Variants in MED1 observed in about 807,000 individuals in gnomAD.
The protein encoded by MED1 is mediator of RNA polymerase II transcription subunit 1.
A neutral mutation model predicts 121.3 loss-of-function variants in MED1; 17 were observed. That is an observed-to-expected ratio of 0.14 (90% CI 0.10 to 0.21). The LOEUF (loss-of-function observed/expected upper bound fraction) is 0.21. MED1 is among the 10% of genes least tolerant of loss of function. MED1 has a pLI of 1.00. For missense variants in MED1, 1,558 were observed against 1,919.4 expected, an observed-to-expected ratio of 0.81 and a Z score of 3.52; for synonymous variants, 661 against 694.4, an observed-to-expected ratio of 0.95 and a Z score of 0.76.
chr17:39,419,474 C>G (rs1190325489), intron 14 of MED1, among the ~76,000 whole-genome samples: 1 of 150,828 alleles, frequency 6.6e-6, no homozygotes, highest in African/African-American at 2.4e-5. Context: ...ATGGCATGAT[C>G]TAAGCTCACT....
At chr17:39,422,340 T>C (rs1450189802) in intron 13 of MED1, among the ~76,000 whole-genome samples, 1 of 149,186 alleles carries the variant, frequency 6.7e-6, no homozygotes, top group East Asian at 2.0e-4. Context: ...ATTTTTGTAT[T>C]TTTTTAGTAG....
rs2048569385 is a variant in MED1 at position 39,432,027 on chromosome 17, G to C, written c.501-11C>G. The C allele has an allele frequency of 3.2e-6, 5 of 1,583,438 alleles. No individual in the cohort carries two copies. Among genetic ancestry groups the C allele is most frequent in the Admixed American group, 3.3e-5 (2 of 59,852 alleles). On this transcript the variant is annotated splice_polypyrimidine_tract_variant and intron_variant, in intron 7 of 16. Transcript: ENST00000300651. ...TTAGTCTTCAGTTTGCTGGAGAGTA[G>C]ATGAGAAGAACATGAGTTAATAGTT... is the stretch of plus-strand genomic sequence containing the variant.
Position 39,409,895 on chromosome 17 carries a change from C to G in MED1, c.2326G>C (p.Gly776Arg), listed in dbSNP as rs2048339958. Residue 776 changes from glycine (G) to arginine (R), a missense_variant, in exon 17 of 17, where the codon GGC becomes CGC. Gly to Arg is a moderately radical substitution (Grantham distance 125). Around this residue, in one of 5 missense-constraint regions of MED1, gnomAD observed 793 missense variants for 898.2 expected, o/e 0.88. Coordinates refer to ENST00000300651, the MANE Select transcript of MED1 (RefSeq NM_004774.4). ...MVRLSSSDSI[G>R]PDVTDILSDI... Reference sequence around the variant, plus strand: ...GAAAGGATGTCAGTTACATCTGGGCCAATGCTGTCTGAACTGGATAGTCGG... The same window carrying G: ...GAAAGGATGTCAGTTACATCTGGGCGAATGCTGTCTGAACTGGATAGTCGG... The G allele has an allele frequency of 1.2e-6, 2 of 1,613,950 alleles. No individual in the cohort carries two copies. Among genetic ancestry groups the G allele is most frequent in the Non-Finnish European group, 1.7e-6 (2 of 1,180,026 alleles).
intron 2 of MED1, among the ~76,000 whole-genome samples, chr17:39,445,216 TC>T (rs1224209090): frequency 2.0e-4 from 30 of 150,896 alleles, no homozygotes; most frequent in Non-Finnish European, 4.3e-4. Context: ...TGTTGAAAAC[TC>T]TTTTTTTTTT....
At chr17:39,435,123 G>A (rs933550844) in intron 6 of MED1, among the ~76,000 whole-genome samples, 5 of 152,168 alleles carry the variant, frequency 3.3e-5, no homozygotes, top group Admixed American at 2.0e-4. Flanking sequence ...AGCCGAGATC[G>A]CGCCACTGCA....
At chr17:39,413,659 C>T (rs2048376638) in intron 16 of MED1, among the ~76,000 whole-genome samples, 2 of 151,970 alleles carry the variant, frequency 1.3e-5, no homozygotes, top group South Asian at 2.1e-4. Flanking sequence ...ACCTGAACCT[C>T]GGAGGTCAAC....
intron 13 of MED1, among the ~76,000 whole-genome samples, chr17:39,422,480 T>G (rs938266876): frequency 6.9e-6 from 1 of 144,488 alleles, no homozygotes; most frequent in Non-Finnish European, 1.5e-5. Context: ...TTTTTTTTTT[T>G]TTTTTTTTTT....
Position 39,410,526 on chromosome 17 carries a change from G to C in MED1, c.1695C>G (p.Asn565Lys). 6.2e-7 allele frequency: 1 copy of C among 1,614,136 alleles called. No individual in the cohort carries two copies. Among genetic ancestry groups the C allele is most frequent in the Non-Finnish European group, 8.5e-7 (1 of 1,180,026 alleles). The change falls in exon 17 of 17, where the codon AAC (asparagine) becomes AAG (lysine). Residue 565 changes from asparagine to lysine, a missense_variant. Physicochemically the swap from Asn to Lys is moderately conservative, Grantham distance 94. Coordinates refer to ENST00000300651, the MANE Select transcript of MED1 (RefSeq NM_004774.4). ...TGGTAATGGGACCCCCCGGAAAGGT[G>C]TTGGTTGGTGTAGTGGTACCACTCA... is the stretch of plus-strand genomic sequence containing the variant. ...NPMSGTTTPT[N>K]TFPGGPITTL...
chr17:39,417,489 C>T (rs1483836476), intron 14 of MED1, among the ~76,000 whole-genome samples: 2 of 151,548 alleles, frequency 1.3e-5, no homozygotes, highest in African/African-American at 4.9e-5. Context: ...ATTAGCCGGG[C>T]GTGATGGCGG....
At chr17:39,411,312 C>T (rs1392453587) in intron 16 of MED1, among the ~76,000 whole-genome samples, 4 of 149,448 alleles carry the variant, frequency 2.7e-5, no homozygotes, top group African/African-American at 7.4e-5. Flanking sequence ...AGTGAGACTC[C>T]GTCTCAAAAA....
intron 13 of MED1, 74 bp from the exon 14 acceptor site, chr17:39,419,992 A>C: frequency 1.5e-6 from 2 of 1,354,148 alleles, no homozygotes; most frequent in Non-Finnish European, 2.1e-6. Flanking sequence ...TCCTGAAAAA[A>C]CCTACTACTC....
At chr17:39,421,158 G>A (rs1476482575) in intron 13 of MED1, among the ~76,000 whole-genome samples, 1 of 149,642 alleles carries the variant, frequency 6.7e-6, no homozygotes, top group East Asian at 2.0e-4. Context: ...GGATGAGGCA[G>A]AAGAATCGCT....
chr17:39,433,962 T>C (rs769744177), intron 7 of MED1, among the ~76,000 whole-genome samples: 3 of 152,190 alleles, frequency 2.0e-5, no homozygotes, highest in Non-Finnish European at 2.9e-5. Context: ...AAAAATAGAA[T>C]TAAAGCCAGT....
At chr17:39,444,393 G>A (rs1276454591) in intron 2 of MED1, among the ~76,000 whole-genome samples, 1 of 151,882 alleles carries the variant, frequency 6.6e-6, no homozygotes, top group Non-Finnish European at 1.5e-5. Context: ...TATAGTCCCA[G>A]CTACTCAGCA....
intron 8 of MED1, among the ~76,000 whole-genome samples, 173 bp downstream of exon 8, chr17:39,431,769 G>C (rs534264384): frequency 6.6e-6 from 1 of 152,112 alleles, no homozygotes; most frequent in South Asian, 2.1e-4. Flanking sequence ...TAAAACCTAT[G>C]GTAACCAACA....
At position 39,407,022 on chromosome 17, in the gene MED1, G is replaced by A; in HGVS notation, c.*453C>T. The A allele has an allele frequency of 1.0e-6, 1 of 987,144 alleles. No individual in the cohort carries two copies. Among genetic ancestry groups the A allele is most frequent in the Non-Finnish European group, 1.2e-6 (1 of 830,850 alleles). 61.1% of individuals were successfully genotyped at this position (987,144 alleles called of 1,614,324 possible). On this transcript the variant is annotated 3_prime_UTR_variant, in exon 17 of 17. Coordinates refer to ENST00000300651, the MANE Select transcript of MED1 (RefSeq NM_004774.4). The stretch of plus-strand genomic sequence containing the variant: ...ACGGACAACTACCTCAAACAAAGTT[G>A]AACAACCTTCATGCAAATGCATCAA...
intron 13 of MED1, among the ~76,000 whole-genome samples, chr17:39,421,765 T>A (rs1394245048): frequency 2.0e-5 from 3 of 151,992 alleles, no homozygotes; most frequent in Non-Finnish European, 4.4e-5. Context: ...TCATGGCACT[T>A]GAAAGAATTA....
At position 39,406,855 on chromosome 17, in the gene MED1, AAAAC is replaced by A; in HGVS notation, c.*616_*619del. 3.0e-6 allele frequency: 3 copies of A among 985,540 alleles called. No individual in the cohort carries two copies. Among genetic ancestry groups the A allele is most frequent in the Non-Finnish European group, 3.6e-6 (3 of 829,918 alleles). 61.0% of individuals were successfully genotyped at this position (985,540 alleles called of 1,614,324 possible). ...TAGATTTAGAACGAAACACTGTATAAAAACAAACAGATAAAGGGTTAAAATATTA... is the reference window on the plus strand; with the variant it reads ...TAGATTTAGAACGAAACACTGTATAAAAACAGATAAAGGGTTAAAATATTA... On this transcript the variant is annotated 3_prime_UTR_variant, in exon 17 of 17. Coordinates refer to ENST00000300651, the MANE Select transcript of MED1 (RefSeq NM_004774.4).
chr17:39,426,531 T>G (rs2048516779), intron 10 of MED1, among the ~76,000 whole-genome samples: 1 of 152,136 alleles, frequency 6.6e-6, no homozygotes, highest in Non-Finnish European at 1.5e-5. Context: ...AAGGAGGTAT[T>G]AGTCCATTTC....
Sources: allele counts gnomAD v4.1 joint callset (sites outside exome capture counted in the v4.1 genomes callset), GRCh38; gene constraint gnomAD v4.1.1; regional missense constraint gnomAD v4.1.1; transcripts MANE v1.5; gene names NCBI Gene and HGNC (gene_info 2026-07-23, HGNC 2026-07-21).